Variants in U2AF2 observed in about 807,000 individuals in gnomAD.
U2AF2 encodes splicing factor U2AF 65 kDa subunit.
U2AF2 carries 6 observed loss-of-function variants against 52.6 expected under a neutral mutation model. The observed-to-expected ratio is 0.11, with a 90% CI of 0.06 to 0.23. The LOEUF (loss-of-function observed/expected upper bound fraction) is 0.23, where lower values mean the gene tolerates loss of function less well. Ranked by LOEUF, U2AF2 falls within the 10% of genes least tolerant of loss-of-function variation. The pLI is 1.00. For missense variants in U2AF2, 222 were observed against 677.1 expected, an observed-to-expected ratio of 0.33 and a Z score of 7.46; for synonymous variants, 284 against 258.2, an observed-to-expected ratio of 1.10 and a Z score of -0.96.
intron 7 of U2AF2, chr19:55,663,974 G>C: frequency 3.6e-6 from 2 of 561,004 alleles, no homozygotes; most frequent in Admixed American, 3.4e-5. Flanking sequence ...CACACAGCTT[G>C]TACGTGGCAG....
intron 2 of U2AF2, 52 bp downstream of exon 2, chr19:55,659,397 G>A (rs1440613328): frequency 2.8e-6 from 4 of 1,431,894 alleles, no homozygotes; most frequent in South Asian, 1.5e-5. Context: ...GGGGGTCGGT[G>A]TTGGCCGGCC....
intron 1 of U2AF2, 91 bp downstream of exon 1, chr19:55,655,244 C>A: frequency 7.1e-7 from 1 of 1,414,954 alleles, no homozygotes; most frequent in Non-Finnish European, 9.7e-7. Flanking sequence ...CTTCCCCCCA[C>A]TTCACGGCCG....
At chr19:55,662,306 T>G in intron 5 of U2AF2, 196 bp from the exon 6 acceptor site, 3 of 445,904 alleles carry the variant, frequency 6.7e-6, no homozygotes, top group East Asian at 3.7e-5. Flanking sequence ...TCCTCCCCAT[T>G]TTCTCTCTTG....
chr19:55,662,210 C>T (rs1984255450), intron 5 of U2AF2: 4 of 319,912 alleles, frequency 1.3e-5, no homozygotes, highest in South Asian at 7.0e-5. Context: ...GAACAATCTT[C>T]TCCTTTCCCC....
In U2AF2 at chr19:55,668,780, C is replaced by T. The variant is rs1984698363; in HGVS notation, c.933C>T (p.Asn311=). The change falls in exon 9 of 12, where the codon AAC becomes AAT. Residue 311 remains asparagine (N), a synonymous_variant. Transcript: ENST00000308924. This position sits in a 1 kb window ranked among gnomAD's most constrained non-coding sequence, Gnocchi z 5.5. ...GYAFCEYVDI[N]VTDQAIAGLN... is the part of the protein sequence containing the mutation. ...CCTTCTGTGAGTACGTGGACATCAA[C>T]GTCACGGATCAGGTGAGTCCCCGGT... 5.0e-6 allele frequency: 8 copies of T among 1,612,618 alleles called. No individual in the cohort carries two copies. Among genetic ancestry groups the T allele is most frequent in the African/African-American group, 1.3e-5 (1 of 74,922 alleles).
chr19:55,660,029 T>C (rs970252696), intron 2 of U2AF2, 148 bp from the exon 3 acceptor site: 7 of 623,908 alleles, frequency 1.1e-5, no homozygotes, highest in Admixed American at 9.9e-5. Flanking sequence ...TGGGGGGAAA[T>C]GGCAGGGCCG....
rs201453860 is a variant in U2AF2 at position 55,669,725 on chromosome 19, C to T, written c.1293+33C>T. ...GGCCTCGGGCTCAGTGCTCTCTCAC[C>T]CTCTGCCCCTCCTCTTCTCCGCGCC... On this transcript the variant is annotated intron_variant, in intron 11 of 11. Transcript: ENST00000308924. 23 of 1,559,438 alleles carry T rather than the reference C, an allele frequency of 1.5e-5. No homozygotes were observed. The East Asian group carries it at 4.7e-4, about 32-fold the overall frequency.
chr19:55,668,504 T>C lies in U2AF2; in HGVS notation c.743-3T>C, dbSNP rs369538894. The C allele has an allele frequency of 5.6e-5, 90 of 1,592,966 alleles. No individual in the cohort carries two copies. Among genetic ancestry groups the C allele is most frequent in the South Asian group, 2.2e-4 (19 of 87,714 alleles). ...TTGAAGTCCTCCTCTTCTCTACCCA[T>C]AGGGGTTGTGTCCACTGTGGTCCCC... On this transcript the variant is annotated splice_region_variant and splice_polypyrimidine_tract_variant and intron_variant, in intron 7 of 11. Coordinates refer to ENST00000308924, the MANE Select transcript of U2AF2 (RefSeq NM_007279.3). The surrounding 1 kb of genome is among the most constrained non-coding windows in gnomAD (Gnocchi z 5.5).
chr19:55,655,216 C>CT, intron 1 of U2AF2, 63 bp downstream of exon 1: 1 of 1,531,274 alleles, frequency 6.5e-7, no homozygotes, highest in Admixed American at 1.9e-5. Flanking sequence ...CTTTGCCCCC[C>CT]CGCCATTTTC....
At position 55,655,170 on chromosome 19, in the gene U2AF2, C is replaced by G. The variant is rs767771616; in HGVS notation, c.49+17C>G. 6.2e-7 allele frequency: 1 copy of G among 1,600,794 alleles called. No individual in the cohort carries two copies. The highest frequency in any genetic ancestry group is 1.7e-5 in the Admixed American group (1 of 59,406). On this transcript the variant is annotated intron_variant, in intron 1 of 11. Transcript: ENST00000308924. Reference sequence around the variant, plus strand: ...ATAAACAAGGTGAGGGCACCGGGGTCGCGGGGCGGAGGTGTGGGCGGCTCC... The same window carrying G: ...ATAAACAAGGTGAGGGCACCGGGGTGGCGGGGCGGAGGTGTGGGCGGCTCC...
chr19:55,664,342 G>A (rs557327715), intron 7 of U2AF2, among the ~76,000 whole-genome samples: 9 of 152,342 alleles, frequency 5.9e-5, no homozygotes, highest in African/African-American at 2.2e-4. Context: ...GGCACACCTC[G>A]ACACGCGTGG....
intron 7 of U2AF2, among the ~76,000 whole-genome samples, chr19:55,664,673 G>A (rs187303148): frequency 7.2e-5 from 11 of 152,288 alleles, no homozygotes; most frequent in Admixed American, 2.6e-4. Context: ...TCTGTGTCAG[G>A]CAGGACTTGG....
intron 7 of U2AF2, among the ~76,000 whole-genome samples, chr19:55,666,611 C>G (rs778629646): frequency 2.0e-5 from 3 of 152,228 alleles, no homozygotes; most frequent in Non-Finnish European, 4.4e-5. Context: ...CTGAGCTGTT[C>G]TCACACACGT....
chr19:55,673,975 C>G lies in U2AF2; in HGVS notation c.1335C>G (p.Ala445=). The G allele has an allele frequency of 6.2e-7, 1 of 1,613,800 alleles. No individual in the cohort carries two copies. The highest frequency in any genetic ancestry group is 8.5e-7 in the Non-Finnish European group (1 of 1,179,824). ...EFTSVFDCQK[A]MQGLTGRKFA... ...CCTCTGTGTTTGACTGCCAGAAAGCCATGCAGGGCCTGACGGGCCGCAAGT... is the reference window on the plus strand; with the variant it reads ...CCTCTGTGTTTGACTGCCAGAAAGCGATGCAGGGCCTGACGGGCCGCAAGT... Residue 445 remains alanine (A), a synonymous_variant, in exon 12 of 12, where the codon GCC becomes GCG. Transcript: ENST00000308924.
At chr19:55,659,417 C>G (rs1984013601) in intron 2 of U2AF2, 72 bp downstream of exon 2, 1 of 1,400,118 alleles carries the variant, frequency 7.1e-7, no homozygotes. Flanking sequence ...CTGTGGGTGG[C>G]CTGTGTGTGT....
chr19:55,661,374 C>T, intron 5 of U2AF2, 185 bp downstream of exon 5: 1 of 554,494 alleles, frequency 1.8e-6, no homozygotes, highest in Non-Finnish European at 3.0e-6. Context: ...GCCCTCCCTC[C>T]CTCCTCTTCC....
chr19:55,655,257 C>G (rs1228491657), intron 1 of U2AF2, 104 bp downstream of exon 1: 1 of 1,281,602 alleles, frequency 7.8e-7, no homozygotes, highest in African/African-American at 1.5e-5. Flanking sequence ...CACGGCCGCG[C>G]GGCGCCCCCC....
chr19:55,665,982 C>A (rs1391380216), intron 7 of U2AF2, among the ~76,000 whole-genome samples: 5 of 152,256 alleles, frequency 3.3e-5, no homozygotes, highest in Non-Finnish European at 5.9e-5. Context: ...GGCGGTGCAG[C>A]TGGCCTCACT....
intron 7 of U2AF2, among the ~76,000 whole-genome samples, chr19:55,664,518 T>C (rs1984419428): frequency 6.6e-6 from 1 of 152,158 alleles, no homozygotes; most frequent in Non-Finnish European, 1.5e-5. Context: ...GCTTGTCTGA[T>C]GCCCTGTCAG....
Sources: allele counts gnomAD v4.1 joint callset (sites outside exome capture counted in the v4.1 genomes callset), GRCh38; gene constraint gnomAD v4.1.1; non-coding constraint Gnocchi (gnomAD v3.1); transcripts MANE v1.5; gene names NCBI Gene and HGNC (gene_info 2026-07-23, HGNC 2026-07-21).